AFDN: variants seen among roughly 807,000 people sequenced by gnomAD.
AFDN encodes afadin, adherens junction formation factor, also known as afadin.
Under a neutral mutation model 216.6 loss-of-function variants are expected in AFDN, and 68 were observed. The observed-to-expected ratio is 0.31, with a 90% confidence interval of 0.26 to 0.38. The LOEUF (loss-of-function observed/expected upper bound fraction) is 0.38. Ranked by LOEUF, AFDN falls within the 10% of genes least tolerant of loss-of-function variation. AFDN has a pLI of 1.00. For synonymous variants in AFDN, 868 were observed against 853.7 expected (o/e 1.02, Z -0.29); for missense variants, 2,136 against 2,342.0 (o/e 0.91, Z 1.82).
chr6:167,855,388 A>AG (rs1212202869), intron 1 of AFDN, among the ~76,000 whole-genome samples: 13 of 152,260 alleles, frequency 8.5e-5, no homozygotes, highest in East Asian at 5.8e-4. Context: ...ATATATCAGA[A>AG]GATAAGTTTA....
At chr6:167,869,048 TTA>T (rs1784517837) in intron 2 of AFDN, among the ~76,000 whole-genome samples, 1 of 151,958 alleles carries the variant, frequency 6.6e-6, no homozygotes, top group African/African-American at 2.4e-5. Flanking sequence ...AGTGCTGGTA[TTA>T]TAGGTGTGAG....
chr6:167,864,626 C>T lies in AFDN; in HGVS notation c.181C>T (p.Arg61Trp), dbSNP rs770846848. The T allele has an allele frequency of 1.9e-6, 3 of 1,614,100 alleles. No individual in the cohort carries two copies. Among genetic ancestry groups the T allele is most frequent in the South Asian group, 1.1e-5 (1 of 91,072 alleles). Residue 61 changes from arginine to tryptophan, a missense_variant, in exon 2 of 34, where the codon CGG becomes TGG. Transcript: ENST00000683244. ...TGGAAACTTTGCAACAAAATGTATT[C>T]GGGTCTCTAGTACTGCCACCACTCA... is the stretch of plus-strand genomic sequence containing the variant. ...AAGNFATKCI[R>W]VSSTATTQDV... is the part of the protein sequence containing the mutation.
Position 167,907,254 on chromosome 6 carries a change from A to G in AFDN, c.1734A>G (p.Val578=). 1.2e-6 allele frequency: 2 copies of G among 1,614,196 alleles called. No homozygotes were observed. The highest frequency in any genetic ancestry group is 1.7e-6 in the Non-Finnish European group (2 of 1,179,998). The stretch of plus-strand genomic sequence containing the variant: ...GAATGGTGAAGCCGATGATCAGAGT[A>G]GAACAGCAGCCAGATTATCGCAGGC... The part of the protein sequence containing the change: ...ERGMVKPMIR[V]EQQPDYRRQE... The change falls in exon 13 of 34, where the codon GTA becomes GTG. Residue 578 remains valine, a synonymous_variant. Transcript: ENST00000683244.
At chr6:167,837,344 C>T (rs557394547) in intron 1 of AFDN, among the ~76,000 whole-genome samples, 9 of 149,536 alleles carry the variant, frequency 6.0e-5, no homozygotes, top group African/African-American at 2.2e-4. Context: ...AACAAATTAC[C>T]TAGTGTTCTG....
In AFDN at chr6:167,915,426, T is replaced by C; in HGVS notation, c.2558T>C (p.Ile853Thr). ...ELAADCHLSR[I>T]VQATTLLTMD... Reference sequence around the variant, plus strand: ...GCTGCGGACTGTCATCTGAGCAGGATCGTGCAGGTGATTGCTGGTGCCACT... The same window carrying C: ...GCTGCGGACTGTCATCTGAGCAGGACCGTGCAGGTGATTGCTGGTGCCACT... Residue 853 changes from isoleucine to threonine, a missense_variant, in exon 19 of 34, where the codon ATC becomes ACC. Ile to Thr is a moderately conservative substitution (Grantham distance 89). Transcript: ENST00000683244. The C allele has an allele frequency of 6.2e-7, 1 of 1,611,744 alleles. No homozygotes were observed. Among genetic ancestry groups the C allele is most frequent in the Non-Finnish European group, 8.5e-7 (1 of 1,178,530 alleles).
intron 21 of AFDN, among the ~76,000 whole-genome samples, chr6:167,921,848 T>C (rs1365867568): frequency 2.6e-5 from 4 of 152,186 alleles, no homozygotes; most frequent in Non-Finnish European, 5.9e-5. Flanking sequence ...TATACTTATT[T>C]TAACTGAATA....
At chr6:167,866,007 T>C (rs764861137) in intron 2 of AFDN, among the ~76,000 whole-genome samples, 22 of 152,322 alleles carry the variant, frequency 1.4e-4, no homozygotes, top group Non-Finnish European at 2.6e-4. Flanking sequence ...AATTTAACAA[T>C]AGAGGGTGTT....
intron 12 of AFDN, among the ~76,000 whole-genome samples, chr6:167,904,681 CCT>C (rs1320571227): frequency 6.6e-6 from 1 of 152,168 alleles, no homozygotes; most frequent in Non-Finnish European, 1.5e-5. Context: ...CCAATAGAAA[CCT>C]CTTCCCCGTT....
At position 167,889,240 on chromosome 6, in the gene AFDN, A is replaced by G. The variant is rs758803183; in HGVS notation, c.923A>G (p.His308Arg). The G allele has an allele frequency of 2.7e-5, 44 of 1,613,922 alleles. No homozygotes were observed. The highest frequency in any genetic ancestry group is 3.5e-5 in the Non-Finnish European group (41 of 1,179,950). ...ARVMLPPGAQ[H>R]SDEKGAKEII... Reference sequence around the variant, plus strand: ...GTTATGCTTCCTCCTGGAGCCCAGCATTCTGATGAAAAGGGTGCTAAAGAA... The same window carrying G: ...GTTATGCTTCCTCCTGGAGCCCAGCGTTCTGATGAAAAGGGTGCTAAAGAA... The change falls in exon 7 of 34, where the codon CAT (histidine) becomes CGT (arginine). Residue 308 changes from histidine to arginine, a missense_variant. By Grantham distance (29) the His-to-Arg change is conservative (BLOSUM62 0). This residue lies in a region of AFDN where 817 missense variants were observed against 965.7 expected (regional missense o/e 0.85). Coordinates refer to ENST00000683244, the MANE Select transcript of AFDN (RefSeq NM_001386888.1).
intron 1 of AFDN, among the ~76,000 whole-genome samples, chr6:167,852,310 G>A (rs753758500): frequency 3.3e-5 from 5 of 152,082 alleles, no homozygotes; most frequent in African/African-American, 4.8e-5. Context: ...AATCTAGAGC[G>A]TTTATTTCAT....
At chr6:167,864,271 T>C in intron 1 of AFDN, 1 of 635,748 alleles carries the variant, frequency 1.6e-6, no homozygotes, top group Non-Finnish European at 3.0e-6. Flanking sequence ...TGCCTACCAC[T>C]TGCCAAGGAC....
intron 13 of AFDN, among the ~76,000 whole-genome samples, 165 bp from the exon 14 acceptor site, chr6:167,910,936 A>G (rs1482358741): frequency 6.6e-6 from 1 of 152,206 alleles, no homozygotes; most frequent in East Asian, 1.9e-4. Context: ...CTCCCAATGC[A>G]TTATTTGATT....
At chr6:167,924,905 T>C (rs1792308698) in intron 22 of AFDN, 100 bp from the exon 23 acceptor site, 3 of 850,840 alleles carry the variant, frequency 3.5e-6, no homozygotes, top group Non-Finnish European at 4.1e-6. Flanking sequence ...TCTTTCCCCA[T>C]TTGCTCCAGT....
At chr6:167,940,862 A>G (rs1190991347) in intron 23 of AFDN, among the ~76,000 whole-genome samples, 1 of 62,708 alleles carries the variant, frequency 1.6e-5, no homozygotes, top group Non-Finnish European at 2.9e-5. Flanking sequence ...TGAGGGTGGA[A>G]GCCATCCACA....
chr6:167,965,745 T>TCCCGC lies in AFDN; in HGVS notation c.4969-9_4969-5dup. 1.3e-6 allele frequency: 2 copies of TCCCGC among 1,520,082 alleles called. No individual in the cohort carries two copies. 94.2% of individuals were successfully genotyped at this position (1,520,082 alleles called of 1,614,324 possible). A position where few individuals can be genotyped will look rare whatever the true frequency, so the allele number is the denominator to read the frequency against. On this transcript the variant is annotated splice_polypyrimidine_tract_variant and intron_variant, in intron 31 of 33. Coordinates refer to ENST00000683244, the MANE Select transcript of AFDN (RefSeq NM_001386888.1). ...CTCTGACCTTTGCACTCTTGTCTAT[T>TCCCGC]CCCGCCCGCAGAGGCGACAGGAAGA...
At chr6:167,893,000 G>A (rs756769683) in intron 8 of AFDN, among the ~76,000 whole-genome samples, 1 of 152,080 alleles carries the variant, frequency 6.6e-6, no homozygotes, top group Non-Finnish European at 1.5e-5. Context: ...GTTCCTTCCC[G>A]CCTTCAGGTA....
intron 2 of AFDN, 67 bp downstream of exon 2, chr6:167,864,813 G>T (rs1783987188): frequency 1.4e-6 from 2 of 1,467,858 alleles, no homozygotes; most frequent in South Asian, 1.1e-5. Context: ...CTTGTCCAGG[G>T]TCATTGTGGT....
chr6:167,833,174 C>T (rs926730650), intron 1 of AFDN, among the ~76,000 whole-genome samples: 3 of 152,136 alleles, frequency 2.0e-5, no homozygotes, highest in South Asian at 2.1e-4. Context: ...TCTTCCTCTT[C>T]GGTAGGGTGG....
rs143227309 is a variant in AFDN at position 167,880,515 on chromosome 6, C to T, written c.895C>T (p.Arg299Trp). 1.5e-4 allele frequency: 235 copies of T among 1,613,114 alleles called. 1 individual carries two copies. Among genetic ancestry groups the T allele is most frequent in the South Asian group, 1.0e-3 (95 of 90,886 alleles). ...AAACCCTAAGGATTACTGCATCGCC[C>T]GGGTAAGGAACTTTATCAAATCAGT... ...KENPKDYCIA[R>W]VMLPPGAQHS... Residue 299 changes from arginine to tryptophan, a missense_variant and splice_region_variant, in exon 6 of 34, where the codon CGG becomes TGG. By Grantham distance (101) the Arg-to-Trp change is moderately radical. Transcript: ENST00000683244.
Sources: allele counts gnomAD v4.1 joint callset (sites outside exome capture counted in the v4.1 genomes callset), GRCh38; gene constraint gnomAD v4.1.1; regional missense constraint gnomAD v4.1.1; transcripts MANE v1.5; gene names NCBI Gene and HGNC (gene_info 2026-07-23, HGNC 2026-07-21).